The following NALF1 variants were observed in gnomAD, a reference collection of about 807,000 sequenced individuals.
NALF1 encodes the protein NALCN channel auxiliary factor 1.
In NALF1, 3 loss-of-function variants were observed where a neutral mutation model predicts 48.4. That is an observed-to-expected ratio of 0.06 (90% CI 0.03 to 0.16). The LOEUF (loss-of-function observed/expected upper bound fraction) is 0.16, where lower values mean the gene tolerates loss of function less well. Ranked by LOEUF, NALF1 falls within the 10% of genes least tolerant of loss-of-function variation. NALF1 has a pLI of 1.00. For synonymous variants in NALF1, 262 were observed against 245.7 expected (o/e 1.07, Z -0.62); for missense variants, 526 against 571.5 (o/e 0.92, Z 0.81).
chr13:107,848,478 C>T (rs1027718958), intron 1 of NALF1, among the ~76,000 whole-genome samples: 19 of 152,308 alleles, frequency 1.2e-4, no homozygotes, highest in Non-Finnish European at 2.4e-4. Context: ...CCAAATAATG[C>T]AGCCTTAAAA....
At chr13:107,683,108 C>A (rs117392535) in intron 1 of NALF1, among the ~76,000 whole-genome samples, 1,979 of 152,028 alleles carry the variant, frequency 0.013, 17 homozygotes, top group South Asian at 0.036. Context: ...CAAAAAAATT[C>A]AAAAATTAGC....
chr13:107,692,941 T>G (rs781600699), intron 1 of NALF1, among the ~76,000 whole-genome samples: 3 of 152,150 alleles, frequency 2.0e-5, no homozygotes, highest in African/African-American at 4.8e-5. Context: ...CTATTGTGAA[T>G]AGTGCTGCAA....
intron 1 of NALF1, among the ~76,000 whole-genome samples, chr13:107,745,943 G>T (rs186853412): frequency 6.6e-6 from 1 of 152,180 alleles, no homozygotes; most frequent in South Asian, 2.1e-4. Flanking sequence ...GAGCACATTT[G>T]ACATAAAATT....
chr13:107,663,761 T>C (rs1310040045), intron 1 of NALF1, among the ~76,000 whole-genome samples: 2 of 152,216 alleles, frequency 1.3e-5, no homozygotes, highest in Admixed American at 6.5e-5. Flanking sequence ...ACTAGAGCTA[T>C]TGGCATGATT....
chr13:107,304,575 T>C (rs1446018165), intron 1 of NALF1, among the ~76,000 whole-genome samples: 1 of 152,210 alleles, frequency 6.6e-6, no homozygotes, highest in Non-Finnish European at 1.5e-5. Flanking sequence ...ATGTTTAAAA[T>C]GTGGATCCAA....
intron 1 of NALF1, among the ~76,000 whole-genome samples, chr13:107,677,056 T>C (rs1161956144): frequency 1.3e-5 from 2 of 152,228 alleles, no homozygotes; most frequent in Non-Finnish European, 2.9e-5. Context: ...TGTTTGTTTT[T>C]GTTTTTATGA....
intron 1 of NALF1, among the ~76,000 whole-genome samples, chr13:107,432,644 G>A (rs9514687): frequency 0.2 from 29,915 of 151,980 alleles, 3,341 homozygotes; most frequent in Middle Eastern, 0.27. Context: ...ACCTCTGGAT[G>A]TGAGGAAGGG....
chr13:107,794,141 A>G (rs1878335775), intron 1 of NALF1, among the ~76,000 whole-genome samples: 2 of 152,200 alleles, frequency 1.3e-5, no homozygotes, highest in Admixed American at 6.5e-5. Flanking sequence ...CCTACAGCCA[A>G]TTCATACTTA....
chr13:107,285,707 T>C (rs1244319952), intron 1 of NALF1, among the ~76,000 whole-genome samples: 1 of 152,016 alleles, frequency 6.6e-6, no homozygotes, highest in East Asian at 1.9e-4. Flanking sequence ...GTATATATTA[T>C]ACATAGTATA....
chr13:107,861,404 T>C (rs932563919), intron 1 of NALF1, among the ~76,000 whole-genome samples: 1 of 152,190 alleles, frequency 6.6e-6, no homozygotes, highest in Non-Finnish European at 1.5e-5. Context: ...TGACATGATA[T>C]TACAATAGCA....
intron 1 of NALF1, among the ~76,000 whole-genome samples, chr13:107,851,593 G>C (rs1053756295): frequency 6.6e-6 from 1 of 151,984 alleles, no homozygotes. Context: ...CATTTTAGAA[G>C]AGAAACGACG....
chr13:107,674,636 C>T (rs545830000), intron 1 of NALF1, among the ~76,000 whole-genome samples: 129 of 152,278 alleles, frequency 8.5e-4, no homozygotes, highest in Non-Finnish European at 1.6e-3. Context: ...GGAAGAGGCT[C>T]ATTAAGGAAA....
intron 1 of NALF1, among the ~76,000 whole-genome samples, chr13:107,683,251 T>C (rs1881348170): frequency 6.6e-6 from 1 of 152,116 alleles, no homozygotes; most frequent in South Asian, 2.1e-4. Flanking sequence ...CTGTCTCAAA[T>C]ATAAATACAT....
At chr13:107,374,289 A>T (rs1883299129) in intron 1 of NALF1, among the ~76,000 whole-genome samples, 1 of 152,146 alleles carries the variant, frequency 6.6e-6, no homozygotes. Flanking sequence ...TTCTGTCTAA[A>T]ACATTCACCA....
At chr13:107,492,546 C>A (rs567966753) in intron 1 of NALF1, among the ~76,000 whole-genome samples, 3 of 152,244 alleles carry the variant, frequency 2.0e-5, no homozygotes, top group Non-Finnish European at 4.4e-5. Context: ...CTCAGAGAAG[C>A]CTTCCTCGCC....
chr13:107,238,805 G>A (rs1158891424), intron 1 of NALF1, among the ~76,000 whole-genome samples: 1 of 152,108 alleles, frequency 6.6e-6, no homozygotes, highest in African/African-American at 2.4e-5. Flanking sequence ...ATGGAAATAG[G>A]GCCTTTTAAG....
At chr13:107,642,639 T>C (rs923640306) in intron 1 of NALF1, among the ~76,000 whole-genome samples, 1 of 152,140 alleles carries the variant, frequency 6.6e-6, no homozygotes, top group Admixed American at 6.5e-5. Context: ...GTAGTTTTTG[T>C]GGAAGGACAG....
At position 107,841,370 on chromosome 13, in the gene NALF1, G is replaced by A. The variant is rs1205397126; in HGVS notation, c.915+24312C>T. ...TACCATCCTAAAAGGGACAGAGCTG[G>A]TCAAAGACAAAGATGATTATTTGGC... On this transcript the variant is annotated intron_variant, in intron 1 of 2. Coordinates refer to ENST00000375915, the MANE Select transcript of NALF1 (RefSeq NM_001080396.3). 2.0e-5 allele frequency among the ~76,000 whole-genome samples: 3 copies of A among 152,038 alleles called. No homozygotes were observed. The East Asian group carries it at 5.8e-4, about 29-fold the overall frequency.
At chr13:107,338,790 T>G (rs1033603857) in intron 1 of NALF1, among the ~76,000 whole-genome samples, 2 of 152,164 alleles carry the variant, frequency 1.3e-5, no homozygotes, top group Non-Finnish European at 2.9e-5. Context: ...TGGACCTGTT[T>G]GCCCCGCGTG....
Sources: gnomAD v4.1 joint callset for allele counts (sites outside exome capture counted in the v4.1 genomes callset) on GRCh38, gnomAD v4.1.1 for gene constraint, MANE v1.5 for transcripts, NCBI Gene and HGNC (gene_info 2026-07-23, HGNC 2026-07-21) for gene names.